The following LIMA1 variants were observed in gnomAD, a reference collection of about 807,000 sequenced individuals.
LIMA1 encodes LIM domain and actin-binding protein 1.
LIMA1 carries 52 observed loss-of-function variants against 62.6 expected under a neutral mutation model. The ratio of observed to expected loss-of-function variants is 0.83; its 90% CI spans 0.67 to 1.05. LIMA1 has a LOEUF of 1.05. Ranked by LOEUF, LIMA1 falls within the 50% of genes least tolerant of loss-of-function variation. LIMA1 has a pLI of 0.00. For synonymous variants in LIMA1, 302 were observed against 317.8 expected (o/e 0.95, Z 0.53); for missense variants, 780 against 902.2 (o/e 0.86, Z 1.74).
intron 9 of LIMA1, chr12:50,187,858 C>G (rs1265436032): frequency 6.6e-6 from 1 of 152,224 alleles, no homozygotes; most frequent in African/African-American, 2.4e-5. Context: ...CTCCTTGCCT[C>G]TTCCTTCCCT....
intron 9 of LIMA1, among the ~76,000 whole-genome samples, chr12:50,190,562 T>C (rs1000888872): frequency 6.9e-6 from 1 of 145,394 alleles, no homozygotes; most frequent in African/African-American, 2.6e-5. Context: ...GTACTTTTAG[T>C]AGAGATGGGG....
chr12:50,268,498 G>A (rs1340301931), intron 1 of LIMA1, among the ~76,000 whole-genome samples: 1 of 152,152 alleles, frequency 6.6e-6, no homozygotes, highest in Non-Finnish European at 1.5e-5. Flanking sequence ...ATAAGCCTGA[G>A]GATTGGTTAT....
At chr12:50,253,442 G>C (rs933081407) in intron 1 of LIMA1, among the ~76,000 whole-genome samples, 4 of 152,084 alleles carry the variant, frequency 2.6e-5, no homozygotes, top group Non-Finnish European at 4.4e-5. Context: ...GGATTCAAAC[G>C]CATATTCTGT....
At chr12:50,244,249 A>G (rs752856285) in intron 2 of LIMA1, among the ~76,000 whole-genome samples, 1 of 152,122 alleles carries the variant, frequency 6.6e-6, no homozygotes, top group Non-Finnish European at 1.5e-5. Context: ...GATTACAGGC[A>G]TGGGCCACGA....
At position 50,181,955 on chromosome 12, in the gene LIMA1, T is replaced by C. The variant is rs1304669399; in HGVS notation, c.1223A>G (p.Gln408Arg). 3.1e-6 allele frequency: 5 copies of C among 1,613,810 alleles called. No homozygotes were observed. The highest frequency in any genetic ancestry group is 3.4e-6 in the Non-Finnish European group (4 of 1,180,036). Residue 408 changes from glutamine to arginine, a missense_variant, in exon 10 of 11, where the codon CAG becomes CGG. Transcript: ENST00000341247. ...ACGGAAGCAGCTGATGTGAAACACC[T>C]GCTGGTTGGCCAAGAGACGCTCCAT... Reference protein sequence around the residue: ...YPMERLLANQQVFHISCFRCS... With the variant: ...YPMERLLANQRVFHISCFRCS...
chr12:50,177,012 A>C lies in LIMA1; in HGVS notation c.*52T>G. 7.2e-7 allele frequency: 1 copy of C among 1,381,896 alleles called. No individual in the cohort carries two copies. The highest frequency in any genetic ancestry group is 9.7e-7 in the Non-Finnish European group (1 of 1,031,426). The allele number at this position is 1,381,896 out of a possible 1,614,324, so 85.6% of individuals were successfully genotyped here. A position where few individuals can be genotyped will look rare whatever the true frequency, so the allele number is the denominator to read the frequency against. ...TGTGCATCACATTTTGACAAAGGGC[A>C]GTGGCTCGCTAACACTAACATGAAT... On this transcript the variant is annotated 3_prime_UTR_variant, in exon 11 of 11. Transcript: ENST00000341247.
intron 2 of LIMA1, among the ~76,000 whole-genome samples, chr12:50,240,142 C>T (rs2138615222): frequency 6.6e-6 from 1 of 151,500 alleles, no homozygotes; most frequent in African/African-American, 2.4e-5. Flanking sequence ...ATGAAGTTAG[C>T]CAGACAAAAG....
At chr12:50,228,148 G>A (rs1459932430) in intron 3 of LIMA1, among the ~76,000 whole-genome samples, 9 of 152,144 alleles carry the variant, frequency 5.9e-5, no homozygotes, top group Non-Finnish European at 1.0e-4. Context: ...TTGAGCCACC[G>A]CGCCGGGCCT....
rs1357140900 is a variant in LIMA1, at chr12:50,203,016, T to C, written c.864+1536A>G. ...ATTTGAAAGGTAACTTCCTTTTTTT[T>C]TTTTTTTTTTTGAGATGGAGTCTCA... is the stretch of plus-strand genomic sequence containing the variant. On this transcript the variant is annotated intron_variant, in intron 6 of 10. Transcript: ENST00000341247. Among the ~76,000 whole-genome samples the C allele has an allele frequency of 2.7e-5, 4 of 150,038 alleles. 1 individual carries two copies. The highest frequency in any genetic ancestry group is 2.7e-4 in the Admixed American group (4 of 15,062).
intron 8 of LIMA1, among the ~76,000 whole-genome samples, chr12:50,194,795 C>A (rs1204166606): frequency 6.6e-6 from 1 of 151,934 alleles, no homozygotes; most frequent in African/African-American, 2.4e-5. Flanking sequence ...CGCCTGTAAT[C>A]CTAGCACTTT....
At position 50,200,879 on chromosome 12, in the gene LIMA1, C is replaced by A. The variant is rs371143043; in HGVS notation, c.870G>T (p.Glu290Asp). The change falls in exon 7 of 11, where the codon GAG (glutamate) becomes GAT (aspartate). Residue 290 changes from glutamate (E) to aspartate (D), a missense_variant. Transcript: ENST00000341247. ...KQSSSTNYTN[E>D]LKASGGEIKI... ...TGATTTCGCCACCACTGGCTTTCAGCTCATTCTACAAAATAAAAATAACTG... is the reference window on the plus strand; with the variant it reads ...TGATTTCGCCACCACTGGCTTTCAGATCATTCTACAAAATAAAAATAACTG... The A allele has an allele frequency of 2.5e-6, 4 of 1,613,074 alleles. No homozygotes were observed. In the African/African-American group the frequency reaches 5.3e-5, roughly 22 times the overall value.
chr12:50,220,002 C>T (rs1443858343), intron 4 of LIMA1, among the ~76,000 whole-genome samples: 1 of 151,782 alleles, frequency 6.6e-6, no homozygotes, highest in African/African-American at 2.4e-5. Context: ...TCTTCCTATA[C>T]CTTTAGCAAT....
intron 4 of LIMA1, among the ~76,000 whole-genome samples, chr12:50,219,421 G>T (rs1464955133): frequency 1.3e-5 from 2 of 152,096 alleles, no homozygotes; most frequent in Non-Finnish European, 2.9e-5. Context: ...GGAGATGGAG[G>T]TTGCAGTGAG....
At chr12:50,224,382 G>A (rs558303984) in intron 3 of LIMA1, 1 of 152,300 alleles carries the variant, frequency 6.6e-6, no homozygotes, top group South Asian at 2.1e-4. Flanking sequence ...ATCCATTGGG[G>A]GAAGAATGTA....
At chr12:50,261,113 C>T (rs1451221739) in intron 1 of LIMA1, among the ~76,000 whole-genome samples, 2 of 122,206 alleles carry the variant, frequency 1.6e-5, no homozygotes, top group Non-Finnish European at 3.2e-5. Flanking sequence ...AGGGCAGTGG[C>T]GTGATCTGGG....
chr12:50,231,515 G>T, intron 3 of LIMA1, 150 bp downstream of exon 3: 3 of 761,180 alleles, frequency 3.9e-6, no homozygotes, highest in Non-Finnish European at 7.0e-6. Context: ...AAGCCAAGTT[G>T]TCCTGAGCAA....
chr12:50,273,977 T>C (rs1942245303), intron 1 of LIMA1, among the ~76,000 whole-genome samples: 1 of 151,990 alleles, frequency 6.6e-6, no homozygotes, highest in Non-Finnish European at 1.5e-5. Flanking sequence ...GGTAGGAAAA[T>C]AGTGGCCTGG....
At chr12:50,246,699 A>T (rs1941854264) in intron 2 of LIMA1, among the ~76,000 whole-genome samples, 1 of 151,994 alleles carries the variant, frequency 6.6e-6, no homozygotes. Flanking sequence ...AATGAATTAC[A>T]CCAGTTCCTT....
intron 2 of LIMA1, among the ~76,000 whole-genome samples, chr12:50,232,322 A>G (rs1211891180): frequency 6.6e-6 from 1 of 150,808 alleles, no homozygotes; most frequent in Non-Finnish European, 1.5e-5. Context: ...TCAGCCTCCT[A>G]AAGTATTGAG....
Sources: allele counts gnomAD v4.1 joint callset (sites outside exome capture counted in the v4.1 genomes callset), GRCh38; gene constraint gnomAD v4.1.1; transcripts MANE v1.5; gene names NCBI Gene and HGNC (gene_info 2026-07-23, HGNC 2026-07-21).